ST6GALNAC5: variants seen among roughly 807,000 people sequenced by gnomAD.
ST6GALNAC5 encodes alpha-N-acetylgalactosaminide alpha-2,6-sialyltransferase 5.
In ST6GALNAC5, 27 loss-of-function variants were observed where a neutral mutation model predicts 33.6. The ratio of observed to expected loss-of-function variants is 0.80; its 90% CI spans 0.59 to 1.11. The LOEUF (loss-of-function observed/expected upper bound fraction) is 1.11, where lower values mean the gene tolerates loss of function less well. Among genes scored for constraint, ST6GALNAC5 ranks in the 50% least tolerant of loss-of-function variants. ST6GALNAC5 has a pLI of 0.00. For synonymous variants in ST6GALNAC5, 194 were observed against 171.2 expected (o/e 1.13, Z -1.04); for missense variants, 428 against 454.0 (o/e 0.94, Z 0.52).
intron 2 of ST6GALNAC5, among the ~76,000 whole-genome samples, chr1:77,033,341 C>T (rs57861468): frequency 0.023 from 3,434 of 152,264 alleles, 130 homozygotes; most frequent in African/African-American, 0.079. Context: ...TCATGGCACT[C>T]CTGTTTTAGT....
intron 2 of ST6GALNAC5, among the ~76,000 whole-genome samples, chr1:76,916,475 C>T (rs1392843450): frequency 6.6e-6 from 1 of 152,072 alleles, no homozygotes; most frequent in Non-Finnish European, 1.5e-5. Flanking sequence ...ATTTTCTCCT[C>T]CAGTTGCCAT....
At position 76,959,048 on chromosome 1, in the gene ST6GALNAC5, C is replaced by G. The variant is rs151210014; in HGVS notation, c.262-85156C>G. ...AGCATTCACCGGCTGACTTTCGGCT[C>G]CAGCAAGGCCTTCAGCGCTGGCTCT... is the stretch of plus-strand genomic sequence containing the variant. On this transcript the variant is annotated intron_variant, in intron 2 of 4. Transcript: ENST00000477717. Among the ~76,000 whole-genome samples, 1,230 of 152,302 alleles carry G rather than the reference C, an allele frequency of 8.1e-3. 18 individuals carry two copies. The highest frequency in any genetic ancestry group is 0.027 in the African/African-American group (1,143 of 41,580).
intron 2 of ST6GALNAC5, among the ~76,000 whole-genome samples, chr1:77,040,365 C>G (rs574064168): frequency 2.6e-4 from 39 of 152,328 alleles, no homozygotes; most frequent in African/African-American, 8.7e-4. Flanking sequence ...CTGCACAACT[C>G]AAAGAACGAG....
intron 2 of ST6GALNAC5, among the ~76,000 whole-genome samples, chr1:76,932,550 G>A (rs945660557): frequency 6.6e-6 from 1 of 152,120 alleles, no homozygotes; most frequent in Non-Finnish European, 1.5e-5. Context: ...GAGTCTTGCT[G>A]AGTAGAAATG....
intron 2 of ST6GALNAC5, among the ~76,000 whole-genome samples, chr1:76,907,341 T>C (rs2100274382): frequency 6.6e-6 from 1 of 152,224 alleles, no homozygotes; most frequent in South Asian, 2.1e-4. Flanking sequence ...CTATTATCTC[T>C]GAGAACACCC....
rs1352790297 is a variant in ST6GALNAC5 at position 76,933,092 on chromosome 1, G to T, written c.261+64350G>T. The stretch of plus-strand genomic sequence containing the variant: ...TAGAGGTAGCTTTTTTAAAAAAGAA[G>T]AATCTAAGACCATGAAACTGGAATT... On this transcript the variant is annotated intron_variant, in intron 2 of 4. Coordinates refer to ENST00000477717, the MANE Select transcript of ST6GALNAC5 (RefSeq NM_030965.3). Among the ~76,000 whole-genome samples the T allele has an allele frequency of 7.2e-5, 11 of 152,146 alleles. No individual in the cohort carries two copies. In the East Asian group the frequency reaches 2.1e-3, roughly 30 times the overall value.
chr1:76,922,725 T>A (rs928008032), intron 2 of ST6GALNAC5, among the ~76,000 whole-genome samples: 1 of 151,948 alleles, frequency 6.6e-6, no homozygotes, highest in African/African-American at 2.4e-5. Context: ...AAGCTTTGCA[T>A]AAGAAACTTT....
chr1:76,944,522 A>T (rs1647444354), intron 2 of ST6GALNAC5, among the ~76,000 whole-genome samples: 1 of 152,070 alleles, frequency 6.6e-6, no homozygotes, highest in South Asian at 2.1e-4. Flanking sequence ...ACAAGTATGT[A>T]AGCCACATTA....
At chr1:77,018,089 G>T (rs1457221388) in intron 2 of ST6GALNAC5, among the ~76,000 whole-genome samples, 1 of 152,168 alleles carries the variant, frequency 6.6e-6, no homozygotes, top group Admixed American at 6.5e-5. Context: ...TCTGAATGAT[G>T]GAGTTCTCTT....
intron 2 of ST6GALNAC5, among the ~76,000 whole-genome samples, chr1:76,934,608 T>C (rs923743413): frequency 1.3e-5 from 2 of 152,034 alleles, no homozygotes; most frequent in Non-Finnish European, 2.9e-5. Flanking sequence ...TATAGGTATT[T>C]TGTGACAGCT....
intron 2 of ST6GALNAC5, among the ~76,000 whole-genome samples, chr1:76,873,051 T>C (rs1303686061): frequency 6.6e-6 from 1 of 152,246 alleles, no homozygotes; most frequent in Admixed American, 6.5e-5. Flanking sequence ...ATCACTATCC[T>C]CCTGTAAATG....
chr1:76,890,864 T>G (rs1653998781), intron 2 of ST6GALNAC5, among the ~76,000 whole-genome samples: 1 of 152,172 alleles, frequency 6.6e-6, no homozygotes, highest in Non-Finnish European at 1.5e-5. Flanking sequence ...TTACACTACA[T>G]TTATCGATTT....
intron 2 of ST6GALNAC5, among the ~76,000 whole-genome samples, chr1:77,023,983 A>G (rs912082444): frequency 6.6e-6 from 1 of 152,192 alleles, no homozygotes; most frequent in African/African-American, 2.4e-5. Flanking sequence ...GAATATACAC[A>G]TGAATAAAAG....
intron 2 of ST6GALNAC5, among the ~76,000 whole-genome samples, chr1:76,947,632 G>T (rs1036134650): frequency 7.9e-5 from 12 of 152,028 alleles, no homozygotes; most frequent in African/African-American, 2.9e-4. Context: ...AGCTACTCAG[G>T]ATGCTGAGGA....
At position 76,867,633 on chromosome 1, in the gene ST6GALNAC5, G is replaced by C; in HGVS notation, c.-43G>C. The C allele has an allele frequency of 6.2e-7, 1 of 1,614,128 alleles. No homozygotes were observed. Among genetic ancestry groups the C allele is most frequent in the Non-Finnish European group, 8.5e-7 (1 of 1,180,014 alleles). ...AAACCCTCCAGGAAAAAGTGGCCCC[G>C]GACGCGCGAGCCTGAGGATTCTGCA... On this transcript the variant is annotated 5_prime_UTR_variant, in exon 1 of 5. Coordinates refer to ENST00000477717, the MANE Select transcript of ST6GALNAC5 (RefSeq NM_030965.3).
chr1:76,909,434 T>C (rs1570661815), intron 2 of ST6GALNAC5, among the ~76,000 whole-genome samples: 1 of 152,184 alleles, frequency 6.6e-6, no homozygotes, highest in East Asian at 1.9e-4. Context: ...ATAATGTAAA[T>C]AAGGAACTCA....
rs1650623014 is a variant in ST6GALNAC5, at chr1:77,011,204, C to G, written c.262-33000C>G. On this transcript the variant is annotated intron_variant, in intron 2 of 4. Transcript: ENST00000477717. ...ACAATGACGATGAGGCTAATGAGAG[C>G]TTTTGGCCGTGAGAAACACTGCCTC... Among the ~76,000 whole-genome samples, 11 of 152,280 alleles carry G rather than the reference C, an allele frequency of 7.2e-5. No homozygotes were observed. In the South Asian group the frequency reaches 1.9e-3, roughly 26 times the overall value.
intron 2 of ST6GALNAC5, among the ~76,000 whole-genome samples, chr1:76,933,067 T>C (rs1168334645): frequency 2.0e-5 from 3 of 152,092 alleles, no homozygotes; most frequent in African/African-American, 7.2e-5. Context: ...TTATATTTCT[T>C]AGAGGTAGCT....
intron 2 of ST6GALNAC5, among the ~76,000 whole-genome samples, chr1:76,912,624 T>A (rs532379227): frequency 0.016 from 2,377 of 151,070 alleles, 21 homozygotes; most frequent in Middle Eastern, 0.028. Flanking sequence ...TGGGTGCATA[T>A]ATATTTAGGA....
Sources: allele counts gnomAD v4.1 joint callset (sites outside exome capture counted in the v4.1 genomes callset), GRCh38; gene constraint gnomAD v4.1.1; transcripts MANE v1.5; gene names NCBI Gene and HGNC (gene_info 2026-07-23, HGNC 2026-07-21).